PSIP1: variants seen among roughly 807,000 people sequenced by gnomAD.
PSIP1 encodes the protein PC4 and SFRS1-interacting protein.
In PSIP1, 19 loss-of-function variants were observed where a neutral mutation model predicts 74.7. That is an observed-to-expected ratio of 0.25 (90% CI 0.18 to 0.37). PSIP1 has a LOEUF of 0.37. PSIP1 is among the 10% of genes least tolerant of loss of function. PSIP1 has a pLI of 1.00. For synonymous variants in PSIP1, 222 were observed against 195.3 expected (o/e 1.14, Z -1.14); for missense variants, 601 against 614.3 (o/e 0.98, Z 0.23).
intron 8 of PSIP1, among the ~76,000 whole-genome samples, chr9:15,475,610 T>C (rs1431187415): frequency 6.6e-6 from 1 of 152,180 alleles, no homozygotes; most frequent in Admixed American, 6.5e-5. Context: ...TTAAGAATTA[T>C]AAAACATACA....
At chr9:15,485,912 G>A (rs1160111632) in intron 6 of PSIP1, 94 bp downstream of exon 6, 10 of 1,137,598 alleles carry the variant, frequency 8.8e-6, no homozygotes, top group Non-Finnish European at 1.3e-5. Context: ...AATAAAAGCT[G>A]AAATTTAAGG....
chr9:15,497,325 C>CTTTTTTTTTTTTTTTTTTTTTTTTTT lies in PSIP1; in HGVS notation c.150-7202_150-7201insAAAAAAAAAAAAAAAAAAAAAAAAAA, dbSNP rs767922897. Reference sequence around the variant, plus strand: ...CTGAAGACCACACGTTCTATGATTCCTTTTTTTTTTTTTTTTGAGACAGAG... The same window carrying CTTTTTTTTTTTTTTTTTTTTTTTTTT: ...CTGAAGACCACACGTTCTATGATTCCTTTTTTTTTTTTTTTTTTTTTTTTTTTTTTTTTTTTTTTTTTGAGACAGAG... On this transcript the variant is annotated intron_variant, in intron 3 of 15. Transcript: ENST00000380733. 3.4e-4 allele frequency among the ~76,000 whole-genome samples: 40 copies of CTTTTTTTTTTTTTTTTTTTTTTTTTT among 118,542 alleles called. 1 individual carries two copies. The highest frequency in any genetic ancestry group is 5.6e-4 in the African/African-American group (14 of 24,854). The allele number at this position is 118,542 out of a possible 152,430, so 77.8% of individuals were successfully genotyped here. A position where few individuals can be genotyped will look rare whatever the true frequency, so the allele number is the denominator to read the frequency against.
chr9:15,485,600 C>T (rs1009749748), intron 6 of PSIP1, among the ~76,000 whole-genome samples: 4 of 152,126 alleles, frequency 2.6e-5, no homozygotes, highest in African/African-American at 9.7e-5. Flanking sequence ...TTTCTCACAA[C>T]GTGAAGTAAC....
rs1281432465 is a variant in PSIP1, at chr9:15,474,110, C to T, written c.757G>A (p.Gly253Arg). 6.2e-7 allele frequency: 1 copy of T among 1,613,494 alleles called. No homozygotes were observed. Residue 253 changes from glycine to arginine, a missense_variant, in exon 9 of 16, where the codon GGG becomes AGG. By Grantham distance (125) the Gly-to-Arg change is moderately radical. This residue lies in a region of PSIP1 where 538 missense variants were observed against 507.6 expected (regional missense o/e 1.06). Coordinates refer to ENST00000380733, the MANE Select transcript of PSIP1 (RefSeq NM_033222.5). The stretch of plus-strand genomic sequence containing the variant: ...CTTTTTGATTCAACTTCTTTCTTCC[C>T]CTCTTTTTTATCCGGCTCTTTTCTT... ...KPRKEPDKKE[G>R]KKEVESKRKN...
intron 7 of PSIP1, among the ~76,000 whole-genome samples, chr9:15,478,922 A>G (rs140226253): frequency 6.6e-6 from 1 of 152,188 alleles, no homozygotes; most frequent in East Asian, 1.9e-4. Flanking sequence ...TATCTTTGGA[A>G]GTTCATATCA....
rs769897877 is a variant in PSIP1, at chr9:15,479,642, C to T, written c.502G>A (p.Ala168Thr). The change falls in exon 7 of 16, where the codon GCA becomes ACA. Residue 168 changes from alanine to threonine, a missense_variant. Around this residue, in one of 2 missense-constraint regions of PSIP1, gnomAD observed 538 missense variants for 507.6 expected, o/e 1.06. Transcript: ENST00000380733. ...ETEEAGVVTT[A>T]TASVNLKVSP... ...ACTTTTAGATTAACAGATGCTGTTGCTGTTGTCACTACTCCTGCCTCCTCA... is the reference window on the plus strand; with the variant it reads ...ACTTTTAGATTAACAGATGCTGTTGTTGTTGTCACTACTCCTGCCTCCTCA... 5 of 1,611,256 alleles carry T rather than the reference C, an allele frequency of 3.1e-6. No homozygotes were observed. In the Admixed American group the frequency reaches 5.0e-5, roughly 16 times the overall value.
chr9:15,505,329 C>T lies in PSIP1; in HGVS notation c.149+1232G>A, dbSNP rs948723281. ...AAAAGCCCTACTCTAATATACACTG[C>T]ACCATTTTCCATTAAAAGATACTTT... On this transcript the variant is annotated intron_variant, in intron 3 of 15. Coordinates refer to ENST00000380733, the MANE Select transcript of PSIP1 (RefSeq NM_033222.5). The T allele has an allele frequency of 5.9e-5, 9 of 152,150 alleles. No homozygotes were observed. In the East Asian group the frequency reaches 1.5e-3, roughly 26 times the overall value. The allele number at this position is 152,150 out of a possible 1,614,324, so 9.4% of individuals were successfully genotyped here. A position where few individuals can be genotyped will look rare whatever the true frequency, so the allele number is the denominator to read the frequency against.
chr9:15,510,025 A>G, intron 2 of PSIP1, 92 bp downstream of exon 2: 4 of 1,305,882 alleles, frequency 3.1e-6, no homozygotes, highest in Non-Finnish European at 4.3e-6. Flanking sequence ...AGGGAGAGAA[A>G]GGACAGAAGA....
intron 8 of PSIP1, among the ~76,000 whole-genome samples, chr9:15,475,858 G>GT (rs1366046337): frequency 5.9e-5 from 9 of 152,094 alleles, no homozygotes; most frequent in Non-Finnish European, 8.8e-5. Context: ...TAGCAAAGTT[G>GT]TATTTGTAAA....
chr9:15,472,054 GA>G lies in PSIP1; in HGVS notation c.977+577del, dbSNP rs573494507. 91 of 975,178 alleles carry G rather than the reference GA, an allele frequency of 9.3e-5. 1 individual carries two copies. In the East Asian group the frequency reaches 8.5e-3, roughly 92 times the overall value. The allele number at this position is 975,178 out of a possible 1,614,324, so 60.4% of individuals were successfully genotyped here. On this transcript the variant is annotated intron_variant, in intron 10 of 15. Coordinates refer to ENST00000380733, the MANE Select transcript of PSIP1 (RefSeq NM_033222.5). ...TAGTAATAAAATTATATAGTAAGGGGAAAGAAATTCCCCATGGCAAGTCCTG... is the reference window on the plus strand; with the variant it reads ...TAGTAATAAAATTATATAGTAAGGGGAAGAAATTCCCCATGGCAAGTCCTG...
intron 6 of PSIP1, among the ~76,000 whole-genome samples, chr9:15,481,563 A>C (rs1481424492): frequency 2.0e-5 from 3 of 152,134 alleles, no homozygotes; most frequent in South Asian, 2.1e-4. Flanking sequence ...AGGCACCTGT[A>C]ATCCCAGCCA....
In PSIP1 at chr9:15,471,175, T is replaced by C. The variant is rs1345221891; in HGVS notation, c.978-1182A>G. On this transcript the variant is annotated intron_variant, in intron 10 of 15. Coordinates refer to ENST00000380733, the MANE Select transcript of PSIP1 (RefSeq NM_033222.5). The stretch of plus-strand genomic sequence containing the variant: ...ATTCTCTTTTCAGTAACTGGATTAA[T>C]GCTTTGAGCCCAAAATGAGATATAT... 3.1e-6 allele frequency: 5 copies of C among 1,607,340 alleles called. No homozygotes were observed. The Admixed American group carries it at 8.3e-5, about 27-fold the overall frequency.
intron 3 of PSIP1, among the ~76,000 whole-genome samples, chr9:15,497,105 C>CA (rs2037110487): frequency 6.6e-6 from 1 of 152,058 alleles, no homozygotes; most frequent in Admixed American, 6.6e-5. Flanking sequence ...AACTTGGACA[C>CA]AAATGTTCAC....
At chr9:15,483,749 T>C (rs546380364) in intron 6 of PSIP1, among the ~76,000 whole-genome samples, 2 of 152,266 alleles carry the variant, frequency 1.3e-5, no homozygotes, top group East Asian at 3.9e-4. Flanking sequence ...TGACGCATTC[T>C]TTGGGAGGCT....
chr9:15,485,296 C>T (rs562984034), intron 6 of PSIP1, among the ~76,000 whole-genome samples: 1 of 152,178 alleles, frequency 6.6e-6, no homozygotes, highest in South Asian at 2.1e-4. Context: ...ATGTGTCCTT[C>T]CCTGCTCCTT....
intron 10 of PSIP1, chr9:15,472,149 T>C (rs2035864035): frequency 1.0e-6 from 1 of 984,962 alleles, no homozygotes; most frequent in Non-Finnish European, 1.2e-6. Context: ...TACATAATAA[T>C]GTACACCCTG....
chr9:15,500,373 GAGAA>G (rs1337700374), intron 3 of PSIP1, among the ~76,000 whole-genome samples: 1 of 152,104 alleles, frequency 6.6e-6, no homozygotes, highest in Non-Finnish European at 1.5e-5. Context: ...GCTGAGGCAG[GAGAA>G]TGACATGAAC....
chr9:15,477,867 G>T (rs957528735), intron 8 of PSIP1, among the ~76,000 whole-genome samples: 4 of 151,988 alleles, frequency 2.6e-5, no homozygotes, highest in Non-Finnish European at 5.9e-5. Flanking sequence ...GGCTAGGCAC[G>T]TGGCTCACCC....
At chr9:15,500,088 T>G (rs773959810) in intron 3 of PSIP1, among the ~76,000 whole-genome samples, 8 of 152,242 alleles carry the variant, frequency 5.3e-5, no homozygotes, top group Middle Eastern at 3.4e-3. Context: ...TATTTTATAA[T>G]AGCATGTATT....
Sources: gnomAD v4.1 joint callset for allele counts (sites outside exome capture counted in the v4.1 genomes callset) on GRCh38, gnomAD v4.1.1 for gene constraint, gnomAD v4.1.1 regional missense constraint, MANE v1.5 for transcripts, NCBI Gene and HGNC (gene_info 2026-07-23, HGNC 2026-07-21) for gene names.